VCL: variants seen among roughly 807,000 people sequenced by gnomAD.
VCL encodes the protein epididymis luminal protein 114.
In VCL, 47 loss-of-function variants were observed where a neutral mutation model predicts 125.7. The ratio of observed to expected loss-of-function variants is 0.37; its 90% CI spans 0.30 to 0.48. The LOEUF is 0.48. VCL is among the 20% of genes least tolerant of loss of function. The probability of loss-of-function intolerance (pLI) is 0.99; values close to 1 mark genes in which losing one functional copy is unlikely to be tolerated. For synonymous variants in VCL, 458 were observed against 514.6 expected (o/e 0.89, Z 1.49); for missense variants, 1,069 against 1,455.5 (o/e 0.73, Z 4.32).
chr10:74,037,198 C>T (rs1001999696), intron 1 of VCL, among the ~76,000 whole-genome samples: 17 of 152,218 alleles, frequency 1.1e-4, no homozygotes, highest in African/African-American at 4.1e-4. Flanking sequence ...CCTGGGATTA[C>T]AGGCGTAAGC....
intron 1 of VCL, among the ~76,000 whole-genome samples, chr10:74,015,691 C>A (rs1310516491): frequency 6.9e-6 from 1 of 144,052 alleles, no homozygotes; most frequent in Non-Finnish European, 1.5e-5. Flanking sequence ...CTTTCTTTTT[C>A]TTTTTTTTTT....
intron 5 of VCL, among the ~76,000 whole-genome samples, chr10:74,073,990 G>A (rs1280452075): frequency 1.3e-5 from 2 of 152,186 alleles, no homozygotes; most frequent in African/African-American, 2.4e-5. Context: ...CACTTTGGGA[G>A]GCCGAGGTGG....
At chr10:74,032,711 T>A (rs4746168) in intron 1 of VCL, among the ~76,000 whole-genome samples, 21,160 of 128,864 alleles carry the variant, frequency 0.16, 1,653 homozygotes, top group East Asian at 0.27. Context: ...AAAAAAAAAA[T>A]ATATATATAT....
In VCL at chr10:74,090,005, C is replaced by T. The variant is rs1336724326; in HGVS notation, c.1177-18C>T. ...GTGAGTAGATCACAGCGTGCTGCTTCTCCGTTTCTATGTGTAGAACTGGCT... is the reference window on the plus strand; with the variant it reads ...GTGAGTAGATCACAGCGTGCTGCTTTTCCGTTTCTATGTGTAGAACTGGCT... On this transcript the variant is annotated intron_variant, in intron 9 of 21. Transcript: ENST00000211998. 17 of 1,614,174 alleles carry T rather than the reference C, an allele frequency of 1.1e-5. No homozygotes were observed. The highest frequency in any genetic ancestry group is 1.4e-5 in the Non-Finnish European group (17 of 1,180,034).
At chr10:74,113,869 ATCTT>A (rs1258939011) in intron 19 of VCL, among the ~76,000 whole-genome samples, 1 of 152,124 alleles carries the variant, frequency 6.6e-6, no homozygotes, top group Non-Finnish European at 1.5e-5. Flanking sequence ...TGGGGTGCAC[ATCTT>A]GCCCTTTCAG....
intron 1 of VCL, among the ~76,000 whole-genome samples, chr10:74,038,084 T>C (rs1392176100): frequency 6.6e-6 from 1 of 151,110 alleles, no homozygotes; most frequent in African/African-American, 2.4e-5. Context: ...TGCAACCTCC[T>C]CCTCCCAGGT....
At chr10:74,107,811 A>C (rs1840161509) in intron 17 of VCL, among the ~76,000 whole-genome samples, 1 of 152,102 alleles carries the variant, frequency 6.6e-6, no homozygotes, top group Non-Finnish European at 1.5e-5. Context: ...ATGCTTTTAA[A>C]AAATTTTTCC....
intron 6 of VCL, among the ~76,000 whole-genome samples, chr10:74,078,969 G>C (rs1238134980): frequency 6.6e-6 from 1 of 152,074 alleles, no homozygotes; most frequent in Admixed American, 6.6e-5. Flanking sequence ...AAATTTTCAA[G>C]AGCCTAGGAT....
chr10:74,044,067 C>T (rs532754510), intron 2 of VCL, among the ~76,000 whole-genome samples: 3 of 151,770 alleles, frequency 2.0e-5, no homozygotes, highest in African/African-American at 4.8e-5. Flanking sequence ...GTGGAGATCA[C>T]GCCACTGCAC....
intron 1 of VCL, among the ~76,000 whole-genome samples, chr10:74,032,709 AATAT>A (rs71482564): frequency 4.6e-4 from 63 of 138,040 alleles, no homozygotes; most frequent in South Asian, 6.5e-4. Flanking sequence ...CAAAAAAAAA[AATAT>A]ATATATATAT....
In VCL at chr10:74,020,076, A is replaced by G. The variant is rs531693357; in HGVS notation, c.168+21701A>G. On this transcript the variant is annotated intron_variant, in intron 1 of 21. Coordinates refer to ENST00000211998, the MANE Select transcript of VCL (RefSeq NM_014000.3). Reference sequence around the variant, plus strand: ...GAAACTCCGTCTCAAAAAAAAAAAAAGAAAAAAATTACTAATTTATTTTCA... The same window carrying G: ...GAAACTCCGTCTCAAAAAAAAAAAAGGAAAAAAATTACTAATTTATTTTCA... Among the ~76,000 whole-genome samples, 13 of 152,136 alleles carry G rather than the reference A, an allele frequency of 8.5e-5. No individual in the cohort carries two copies. The East Asian group carries it at 1.2e-3, about 14-fold the overall frequency.
chr10:74,093,092 T>A (rs1839913174), intron 10 of VCL, among the ~76,000 whole-genome samples: 1 of 151,858 alleles, frequency 6.6e-6, no homozygotes, highest in Non-Finnish European at 1.5e-5. Context: ...AGGTCAGGAG[T>A]TCGAGACCAG....
intron 2 of VCL, 83 bp downstream of exon 2, chr10:74,043,236 T>A (rs1411746914): frequency 8.5e-7 from 1 of 1,171,912 alleles, no homozygotes; most frequent in Admixed American, 1.9e-5. Flanking sequence ...CAGTAACAAC[T>A]TTTTTTTGGT....
chr10:74,004,042 T>A (rs1039355829), intron 1 of VCL, among the ~76,000 whole-genome samples: 1 of 152,168 alleles, frequency 6.6e-6, no homozygotes, highest in African/African-American at 2.4e-5. Flanking sequence ...TAAAAGGAGA[T>A]CAGCAGTTAA....
intron 17 of VCL, 38 bp downstream of exon 17, chr10:74,107,392 G>C: frequency 1.2e-6 from 2 of 1,614,092 alleles, no homozygotes; most frequent in Non-Finnish European, 1.7e-6. Context: ...TGAGCAGGAA[G>C]GTGTTGAGAC....
At chr10:74,050,398 G>C (rs1267618260) in intron 2 of VCL, among the ~76,000 whole-genome samples, 1 of 152,100 alleles carries the variant, frequency 6.6e-6, no homozygotes, top group Non-Finnish European at 1.5e-5. Flanking sequence ...AACTTTATTA[G>C]TTAAGAACAG....
chr10:74,055,071 G>A (rs1841369196), intron 2 of VCL, among the ~76,000 whole-genome samples: 1 of 151,738 alleles, frequency 6.6e-6, no homozygotes, highest in South Asian at 2.1e-4. Flanking sequence ...AGGCTAAGGT[G>A]GGCAGATCAC....
intron 17 of VCL, among the ~76,000 whole-genome samples, chr10:74,107,940 C>T (rs1013984278): frequency 3.3e-5 from 5 of 152,042 alleles, no homozygotes; most frequent in Non-Finnish European, 7.4e-5. Context: ...ACACAAATTC[C>T]AGAAACAGAA....
intron 2 of VCL, among the ~76,000 whole-genome samples, chr10:74,062,785 T>C (rs1436287843): frequency 1.3e-5 from 2 of 151,982 alleles, no homozygotes; most frequent in East Asian, 3.9e-4. Flanking sequence ...AGGTCTTCCT[T>C]GGCCGGGTGC....
Sources: gnomAD v4.1 joint callset for allele counts (sites outside exome capture counted in the v4.1 genomes callset) on GRCh38, gnomAD v4.1.1 for gene constraint, MANE v1.5 for transcripts, NCBI Gene and HGNC (gene_info 2026-07-23, HGNC 2026-07-21) for gene names.